HADH: variants seen among roughly 807,000 people sequenced by gnomAD.
HADH encodes the protein hydroxyacyl-coenzyme A dehydrogenase, mitochondrial.
A neutral mutation model predicts 32.2 loss-of-function variants in HADH; 24 were observed. The ratio of observed to expected loss-of-function variants is 0.75; its 90% confidence interval spans 0.54 to 1.05. The LOEUF is 1.05. HADH is among the 50% of genes least tolerant of loss of function. HADH has a pLI of 0.00. For missense variants in HADH, 350 were observed against 397.1 expected (o/e 0.88, Z 1.01); for synonymous variants, 139 against 152.5 (o/e 0.91, Z 0.65).
At chr4:108,013,970 G>A (rs749948415) in intron 2 of HADH, among the ~76,000 whole-genome samples, 1 of 152,064 alleles carries the variant, frequency 6.6e-6, no homozygotes, top group Admixed American at 6.6e-5. Context: ...AAATAAAATG[G>A]CGGCTTATAG....
At position 108,023,527 on chromosome 4, in the gene HADH, T is replaced by C. The variant is rs766283075; in HGVS notation, c.600T>C (p.Phe200=). ...AGACATTTGAATCTTTGGTAGACTT[T>C]AGCAAAGCCCTAGGAAAGCATCCTG... ...SQKTFESLVD[F]SKALGKHPVS... is the part of the protein sequence containing the mutation. The change falls in exon 5 of 8, where the codon TTT becomes TTC. Residue 200 remains phenylalanine, a synonymous_variant. Transcript: ENST00000309522. The C allele has an allele frequency of 4.3e-6, 7 of 1,611,654 alleles. No individual in the cohort carries two copies. The highest frequency in any genetic ancestry group is 4.5e-5 in the East Asian group (2 of 44,862).
chr4:108,017,244 G>A (rs547926030), intron 3 of HADH, among the ~76,000 whole-genome samples: 1 of 152,286 alleles, frequency 6.6e-6, no homozygotes, highest in Admixed American at 6.5e-5. Context: ...ATCCTGGAGA[G>A]AACATGACTT....
At chr4:108,032,526 T>A in intron 6 of HADH, 1 of 556,394 alleles carries the variant, frequency 1.8e-6, no homozygotes, top group Non-Finnish European at 3.4e-6. Context: ...AGTTTATTTA[T>A]AAATCAAAAA....
In HADH at chr4:108,012,995, C is replaced by T. The variant is rs553856975; in HGVS notation, c.262-1436C>T. Among the ~76,000 whole-genome samples the T allele has an allele frequency of 5.8e-4, 88 of 152,296 alleles. No homozygotes were observed. The South Asian group carries it at 0.017, about 29-fold the overall frequency. On this transcript the variant is annotated intron_variant, in intron 2 of 7. Transcript: ENST00000309522. ...TAGCCAAGGCTGGAGTGCAGTTGCG[C>T]GATGTCGGCTCACTGCAAGCTCCAC...
intron 6 of HADH, chr4:108,028,613 G>A (rs1736144071): frequency 2.7e-6 from 1 of 375,228 alleles, no homozygotes; most frequent in East Asian, 3.8e-5. Flanking sequence ...TTTCTCTATG[G>A]TTTATGGAAG....
chr4:108,012,236 A>G (rs1044920739), intron 2 of HADH, among the ~76,000 whole-genome samples: 1 of 151,824 alleles, frequency 6.6e-6, no homozygotes, highest in African/African-American at 2.4e-5. Flanking sequence ...CCCAATGTCT[A>G]GGTGGCCTTT....
intron 4 of HADH, among the ~76,000 whole-genome samples, chr4:108,020,711 A>G (rs1428457508): frequency 6.6e-6 from 1 of 152,158 alleles, no homozygotes; most frequent in Non-Finnish European, 1.5e-5. Context: ...CCGCTATTAA[A>G]GTAGCATTTG....
rs145521658 is a variant in HADH, at chr4:107,990,035, G to T, written c.103G>T (p.Gly35Cys). 6.2e-7 allele frequency: 1 copy of T among 1,611,242 alleles called. No individual in the cohort carries two copies. Among genetic ancestry groups the T allele is most frequent in the Non-Finnish European group, 8.5e-7 (1 of 1,179,244 alleles). ...IIVKHVTVIG[G>C]GLMGAGIAQV... is the part of the protein sequence containing the mutation. ...CGTCAAGCACGTGACGGTCATCGGC[G>T]GCGGGCTGATGGGCGCCGGCATTGC... Residue 35 changes from glycine to cysteine, a missense_variant, in exon 1 of 8, where the codon GGC (glycine) becomes TGC (cysteine). Gly to Cys is a radical substitution (Grantham distance 159, BLOSUM62 -3). Coordinates refer to ENST00000309522, the MANE Select transcript of HADH (RefSeq NM_005327.7).
rs201739885 is a variant in HADH, at chr4:108,033,180, C to T, written c.714C>T (p.Asp238=). 2.3e-5 allele frequency: 36 copies of T among 1,556,316 alleles called. No homozygotes were observed. Among genetic ancestry groups the T allele is most frequent in the East Asian group, 9.0e-5 (4 of 44,586 alleles). Residue 238 remains aspartate, a synonymous_variant, in exon 7 of 8, where the codon GAC becomes GAT. Coordinates refer to ENST00000309522, the MANE Select transcript of HADH (RefSeq NM_005327.7). ...GTGCTGCCGTTTTCTCCTTAGGTGA[C>T]GCATCCAAAGAAGACATTGACACTG... The part of the protein sequence containing the change: ...MEAIRLYERG[D]ASKEDIDTAM...
intron 1 of HADH, among the ~76,000 whole-genome samples, chr4:107,999,984 T>C (rs1244207806): frequency 2.0e-5 from 3 of 152,242 alleles, no homozygotes; most frequent in African/African-American, 7.2e-5. Context: ...AAAAGATATA[T>C]GTATACATTG....
intron 1 of HADH, among the ~76,000 whole-genome samples, chr4:108,007,859 G>T (rs1735340764): frequency 6.6e-6 from 1 of 152,214 alleles, no homozygotes; most frequent in Non-Finnish European, 1.5e-5. Context: ...ACTGGGGTTT[G>T]TAAAGATGAT....
intron 4 of HADH, 25 bp downstream of exon 4, chr4:108,019,691 GTCTGCCCGC>G: frequency 6.2e-7 from 1 of 1,613,588 alleles, no homozygotes; most frequent in South Asian, 1.1e-5. Context: ...GCTTGTGTGT[GTCTGCCCGC>G]TCTGCCAGCT....
chr4:108,033,721 A>G (rs1379169022), intron 7 of HADH, among the ~76,000 whole-genome samples: 3 of 152,258 alleles, frequency 2.0e-5, no homozygotes, highest in Non-Finnish European at 4.4e-5. Flanking sequence ...ATTGTAATGT[A>G]AAAGCTCTGA....
At chr4:108,029,521 C>T (rs1259224597) in intron 6 of HADH, 1 of 152,446 alleles carries the variant, frequency 6.6e-6, no homozygotes, top group African/African-American at 2.4e-5. Flanking sequence ...CCCACACACC[C>T]CCTGCACAGC....
At position 108,009,886 on chromosome 4, in the gene HADH, AG is replaced by A; in HGVS notation, c.261+1del. 6.2e-7 allele frequency: 1 copy of A among 1,603,142 alleles called. No individual in the cohort carries two copies. The highest frequency in any genetic ancestry group is 8.5e-7 in the Non-Finnish European group (1 of 1,170,060). On this transcript the variant is annotated frameshift_variant and splice_region_variant, in exon 2 of 8. Transcript: ENST00000309522. LOFTEE classifies it high-confidence loss of function. ...AAGAAGAAGTTTGCAGAAAACCTTAAGGTAATTTCTTATTATCGATGTCTTC... is the reference window on the plus strand; with the variant it reads ...AAGAAGAAGTTTGCAGAAAACCTTAAGTAATTTCTTATTATCGATGTCTTC... ...VAKKKFAENLKAGDEFVEKTL... is the reference protein window; with the variant it reads ...VAKKKFAENLXAGDEFVEKTL...
At chr4:107,990,099 T>A in intron 1 of HADH, 35 bp downstream of exon 1, 1 of 1,583,266 alleles carries the variant, frequency 6.3e-7, no homozygotes, top group Non-Finnish European at 8.6e-7. Flanking sequence ...CCCACGCGCT[T>A]GGCCGCCCAC....
chr4:108,034,736 G>T lies in HADH; in HGVS notation c.*379G>T, dbSNP rs994381422. On this transcript the variant is annotated 3_prime_UTR_variant, in exon 8 of 8. Coordinates refer to ENST00000309522, the MANE Select transcript of HADH (RefSeq NM_005327.7). ...TGCACCATGCTCACTGTTGCTGCGT[G>T]GGAGAGTCACAAGCCACTGGCAAGC... 2.6e-5 allele frequency: 9 copies of T among 349,626 alleles called. No homozygotes were observed. Among genetic ancestry groups the T allele is most frequent in the Non-Finnish European group, 5.1e-5 (9 of 178,084 alleles). The allele number at this position is 349,626 out of a possible 1,614,324, so 21.7% of individuals were successfully genotyped here.
At chr4:108,008,667 C>T (rs927973896) in intron 1 of HADH, among the ~76,000 whole-genome samples, 4 of 152,114 alleles carry the variant, frequency 2.6e-5, no homozygotes, top group African/African-American at 4.8e-5. Flanking sequence ...AGATAACTTG[C>T]CCCTCTCCTG....
At chr4:108,012,462 G>T (rs1384774780) in intron 2 of HADH, among the ~76,000 whole-genome samples, 1 of 152,212 alleles carries the variant, frequency 6.6e-6, no homozygotes, top group Non-Finnish European at 1.5e-5. Context: ...AAAGGAGACA[G>T]GGTCATTTAT....
Sources: allele counts gnomAD v4.1 joint callset (sites outside exome capture counted in the v4.1 genomes callset), GRCh38; gene constraint gnomAD v4.1.1; transcripts MANE v1.5; gene names NCBI Gene and HGNC (gene_info 2026-07-23, HGNC 2026-07-21).